The following MYO16 variants were observed in gnomAD, a reference collection of about 807,000 sequenced individuals.
MYO16 encodes unconventional myosin-XVI.
A neutral mutation model predicts 205.3 loss-of-function variants in MYO16; 94 were observed. That is an observed-to-expected ratio of 0.46 (90% confidence interval 0.39 to 0.54). The LOEUF is 0.54. MYO16 is among the 20% of genes least tolerant of loss of function. The pLI, the probability that MYO16 is intolerant of heterozygous loss-of-function variation, is 0.00. For synonymous variants in MYO16, 988 were observed against 954.0 expected, an observed-to-expected ratio of 1.04 and a Z score of -0.66; for missense variants, 2,315 against 2,387.5, an observed-to-expected ratio of 0.97 and a Z score of 0.63.
At chr13:109,086,673 A>G (rs1401469375) in intron 27 of MYO16, among the ~76,000 whole-genome samples, 1 of 152,200 alleles carries the variant, frequency 6.6e-6, no homozygotes. Context: ...AAAGTAAGTC[A>G]TCAAGATACA....
At chr13:108,626,983 T>A (rs543532218), upstream of MYO16, among the ~76,000 whole-genome samples, 165 of 145,930 alleles carry the variant, frequency 1.1e-3, 1 homozygote, top group African/African-American at 3.8e-3. Flanking sequence ...ATATTATATA[T>A]ATATATGATT....
At chr13:108,854,062 C>T (rs2043161) in intron 10 of MYO16, among the ~76,000 whole-genome samples, 21,965 of 151,168 alleles carry the variant, frequency 0.15, 1,945 homozygotes, top group South Asian at 0.24. Context: ...GGCTGGATTT[C>T]GGCTCACTGC....
intron 34 of MYO16, among the ~76,000 whole-genome samples, chr13:109,200,539 C>G (rs1880354245): frequency 6.6e-6 from 1 of 152,150 alleles, no homozygotes; most frequent in African/African-American, 2.4e-5. Flanking sequence ...TAAGAAAGGG[C>G]TTTCAAAGGG....
intron 25 of MYO16, 57 bp downstream of exon 25, chr13:109,052,532 T>G: frequency 1.5e-6 from 2 of 1,331,710 alleles, no homozygotes; most frequent in Non-Finnish European, 2.1e-6. Context: ...GTATATTTGC[T>G]TCTTTTTTTT....
chr13:108,524,856 T>C, the MYO16 span, among the ~76,000 whole-genome samples: 1 of 152,150 alleles, frequency 6.6e-6, no homozygotes, highest in Non-Finnish European at 1.5e-5. Context: ...GATATGCAGG[T>C]TTGTTTTGAA....
intron 2 of MYO16, among the ~76,000 whole-genome samples, chr13:108,674,505 C>A (rs1285144607): frequency 6.6e-6 from 1 of 151,990 alleles, no homozygotes; most frequent in Admixed American, 6.5e-5. Flanking sequence ...TTGGATGCAG[C>A]TTTATCCTCT....
At chr13:108,559,470 C>CTTTT in the MYO16 span, among the ~76,000 whole-genome samples, 340 of 87,222 alleles carry the variant, frequency 3.9e-3, no homozygotes, top group East Asian at 0.011. Context: ...TTTTTCTTTT[C>CTTTT]TTTTTTTTTT....
intron 3 of MYO16, among the ~76,000 whole-genome samples, chr13:108,726,433 C>T (rs1459300765): frequency 6.6e-6 from 1 of 151,946 alleles, no homozygotes; most frequent in Admixed American, 6.6e-5. Flanking sequence ...GTGGCATGCA[C>T]CTCTAGTCCC....
In MYO16 at chr13:108,641,638, C is replaced by T. The variant is rs540998990; in HGVS notation, c.28+11766C>T. Among the ~76,000 whole-genome samples, 20 of 152,326 alleles carry T rather than the reference C, an allele frequency of 1.3e-4. 1 individual carries two copies. The East Asian group carries it at 3.1e-3, about 23-fold the overall frequency. On this transcript the variant is annotated intron_variant, in intron 1 of 34. Transcript: ENST00000457511. ...TACATGTCTAGTTCATTATTCTCTACTCTGAACAACTTTACTTATTAGGTT... is the reference window on the plus strand; with the variant it reads ...TACATGTCTAGTTCATTATTCTCTATTCTGAACAACTTTACTTATTAGGTT...
intron 22 of MYO16, among the ~76,000 whole-genome samples, chr13:109,010,751 T>A (rs1885564234): frequency 6.6e-6 from 1 of 152,042 alleles, no homozygotes; most frequent in Non-Finnish European, 1.5e-5. Flanking sequence ...GGTGACCTGA[T>A]GCTCACAGAT....
At chr13:108,939,682 G>A (rs566724659) in intron 16 of MYO16, among the ~76,000 whole-genome samples, 1 of 152,044 alleles carries the variant, frequency 6.6e-6, no homozygotes, top group African/African-American at 2.4e-5. Context: ...AATATTATTG[G>A]AGATAATAAT....
At chr13:109,075,562 G>A (rs1229593552) in intron 27 of MYO16, among the ~76,000 whole-genome samples, 1 of 151,880 alleles carries the variant, frequency 6.6e-6, no homozygotes, top group Non-Finnish European at 1.5e-5. Context: ...TTTTAGTAGA[G>A]ACGGGGTTTC....
chr13:108,853,709 C>G (rs1245472179), intron 10 of MYO16, among the ~76,000 whole-genome samples: 2 of 151,402 alleles, frequency 1.3e-5, no homozygotes, highest in African/African-American at 4.9e-5. Flanking sequence ...TTTAAATAAC[C>G]CAAACCCCTC....
chr13:108,816,218 G>T (rs559427450), intron 7 of MYO16, among the ~76,000 whole-genome samples: 3 of 152,118 alleles, frequency 2.0e-5, no homozygotes, highest in African/African-American at 7.2e-5. Flanking sequence ...ACTTTGAGTA[G>T]ATAAAAATAG....
chr13:108,559,734 T>A, the MYO16 span, among the ~76,000 whole-genome samples: 1 of 151,966 alleles, frequency 6.6e-6, no homozygotes, highest in Non-Finnish European at 1.5e-5. Context: ...CCTCCCAAAG[T>A]GCTGGGATTA....
chr13:108,800,042 A>G (rs190133309), intron 6 of MYO16, among the ~76,000 whole-genome samples: 9 of 152,180 alleles, frequency 5.9e-5, no homozygotes, highest in Middle Eastern at 3.4e-3. Flanking sequence ...GGGAAGCCTT[A>G]GCCTGTACCA....
intron 15 of MYO16, among the ~76,000 whole-genome samples, chr13:108,908,914 A>G (rs527322260): frequency 6.6e-6 from 1 of 152,002 alleles, no homozygotes; most frequent in Admixed American, 6.6e-5. Flanking sequence ...CAGAGGTTAC[A>G]GTGAGCCAAG....
At chr13:108,719,570 C>T (rs1187099732) in intron 3 of MYO16, among the ~76,000 whole-genome samples, 2 of 151,946 alleles carry the variant, frequency 1.3e-5, no homozygotes, top group Non-Finnish European at 2.9e-5. Context: ...TTATAATAGC[C>T]CTCTGGCTTA....
At chr13:108,877,582 G>A (rs1239128704) in intron 12 of MYO16, among the ~76,000 whole-genome samples, 2 of 152,224 alleles carry the variant, frequency 1.3e-5, no homozygotes, top group East Asian at 1.9e-4. Flanking sequence ...CTAGGATTTT[G>A]TGTGTAATAT....
Sources: allele counts gnomAD v4.1 joint callset (sites outside exome capture counted in the v4.1 genomes callset), GRCh38; gene constraint gnomAD v4.1.1; transcripts MANE v1.5; gene names NCBI Gene and HGNC (gene_info 2026-07-23, HGNC 2026-07-21).